UGT2A2: variants seen among roughly 807,000 people sequenced by gnomAD.
UGT2A2 encodes the protein UDP glucuronosyltransferase family 2 member A2.
Under a neutral mutation model 50.7 loss-of-function variants are expected in UGT2A2, and 60 were observed. The observed-to-expected ratio is 1.18, with a 90% CI of 0.96 to 1.47. The LOEUF is 1.47. UGT2A2 is among the 40% of genes most tolerant of loss of function. The pLI, the probability that UGT2A2 is intolerant of heterozygous loss-of-function variation, is 0.00. For synonymous variants in UGT2A2, 242 were observed against 214.6 expected (o/e 1.13, Z -1.11); for missense variants, 762 against 634.0 (o/e 1.20, Z -2.17).
intron 1 of UGT2A2, among the ~76,000 whole-genome samples, chr4:69,607,598 A>G (rs921226983): frequency 6.6e-6 from 1 of 152,298 alleles, no homozygotes; most frequent in Admixed American, 6.5e-5. Flanking sequence ...GAGCTTCTGC[A>G]CAGGAAAAGA....
At chr4:69,625,857 T>G (rs1456738946) in intron 1 of UGT2A2, among the ~76,000 whole-genome samples, 1 of 151,550 alleles carries the variant, frequency 6.6e-6, no homozygotes, top group Non-Finnish European at 1.5e-5. Context: ...AATATCAAAT[T>G]ACAAAATTCA....
chr4:69,618,553 A>C (rs1320468790), intron 1 of UGT2A2, among the ~76,000 whole-genome samples: 2 of 151,970 alleles, frequency 1.3e-5, no homozygotes, highest in Non-Finnish European at 1.5e-5. Flanking sequence ...ATTTAAACAG[A>C]CCATATTAAT....
intron 5 of UGT2A2, 146 bp from the exon 6 acceptor site, chr4:69,589,797 T>C (rs1347005531): frequency 3.2e-6 from 4 of 1,246,628 alleles, no homozygotes; most frequent in Non-Finnish European, 2.2e-6. Flanking sequence ...TTGTTAGTTG[T>C]ATAGGATTTT....
chr4:69,596,615 C>G (rs906400759), intron 2 of UGT2A2, among the ~76,000 whole-genome samples: 1 of 152,062 alleles, frequency 6.6e-6, no homozygotes, highest in Non-Finnish European at 1.5e-5. Flanking sequence ...CTCACCTCCC[C>G]GGTTCAAGTG....
rs539436729 is a variant in UGT2A2, at chr4:69,589,290, C to T, written c.*82G>A. The T allele has an allele frequency of 8.0e-4, 1,125 of 1,411,828 alleles. 21 individuals carry two copies. The South Asian group carries it at 0.018, about 23-fold the overall frequency. The allele number at this position is 1,411,828 out of a possible 1,614,324, so 87.5% of individuals were successfully genotyped here. A position where few individuals can be genotyped will look rare whatever the true frequency, so the allele number is the denominator to read the frequency against. ...ATGGGAGACGTGTTTTTGTTAAACT[C>T]CTTTTGTCTGGAATTAATAGGACTA... On this transcript the variant is annotated 3_prime_UTR_variant, in exon 6 of 6. Transcript: ENST00000604629.
chr4:69,594,598 C>A lies in UGT2A2; in HGVS notation c.1210G>T (p.Ala404Ser), dbSNP rs376828121. Residue 404 changes from alanine to serine, a missense_variant, in exon 5 of 6, where the codon GCT becomes TCT. Physicochemically the swap from Ala to Ser is moderately conservative, Grantham distance 99. Coordinates refer to ENST00000604629, the MANE Select transcript of UGT2A2 (RefSeq NM_001105677.2). ...GVPMVGVPMF[A>S]DQPDNIAHMK... ...TGAGCAATGTTATCAGGCTGATCAG[C>A]AAACATGGGAACTCCCACCATAGGG... The A allele has an allele frequency of 1.9e-6, 3 of 1,614,026 alleles. No homozygotes were observed. The highest frequency in any genetic ancestry group is 2.7e-5 in the African/African-American group (2 of 74,932).
chr4:69,634,196 G>A (rs1268195643), intron 1 of UGT2A2, among the ~76,000 whole-genome samples: 2 of 152,054 alleles, frequency 1.3e-5, no homozygotes, highest in Non-Finnish European at 1.5e-5. Flanking sequence ...AGTGAGCCGA[G>A]ATCGCGCCAC....
intron 1 of UGT2A2, among the ~76,000 whole-genome samples, chr4:69,624,845 T>C (rs908512883): frequency 6.6e-6 from 1 of 151,318 alleles, no homozygotes; most frequent in Non-Finnish European, 1.5e-5. Context: ...TTAAATAACA[T>C]TTTTTAAGTC....
In UGT2A2 at chr4:69,639,058, T is replaced by G; in HGVS notation, c.583A>C (p.Ile195Leu). The G allele has an allele frequency of 6.2e-7, 1 of 1,613,388 alleles. No individual in the cohort carries two copies. Among genetic ancestry groups the G allele is most frequent in the Non-Finnish European group, 8.5e-7 (1 of 1,179,636 alleles). Reference sequence around the variant, plus strand: ...GGTACATAGGAGACTGGTGCTGGGATTTTCCCACAGTGTCTCTCCACTGTT... The same window carrying G: ...GGTACATAGGAGACTGGTGCTGGGAGTTTCCCACAGTGTCTCTCCACTGTT... ...ASTVERHCGK[I>L]PAPVSYVPAA... Residue 195 changes from isoleucine (I) to leucine (L), a missense_variant, in exon 1 of 6, where the codon ATC becomes CTC. Transcript: ENST00000604629.
intron 1 of UGT2A2, among the ~76,000 whole-genome samples, chr4:69,629,502 G>T (rs1045039392): frequency 6.6e-6 from 1 of 152,022 alleles, no homozygotes; most frequent in Non-Finnish European, 1.5e-5. Flanking sequence ...GATTTACCAT[G>T]ATCACCAGTT....
At chr4:69,618,539 G>A (rs1052143883) in intron 1 of UGT2A2, among the ~76,000 whole-genome samples, 2 of 151,886 alleles carry the variant, frequency 1.3e-5, no homozygotes, top group African/African-American at 4.8e-5. Context: ...GCCGTTGAAT[G>A]AGAATTTAAA....
At chr4:69,635,333 G>A (rs922071844) in intron 1 of UGT2A2, among the ~76,000 whole-genome samples, 2 of 152,134 alleles carry the variant, frequency 1.3e-5, no homozygotes, top group African/African-American at 4.8e-5. Context: ...AGTGCGCTGG[G>A]ATGGATAGAG....
intron 1 of UGT2A2, among the ~76,000 whole-genome samples, chr4:69,601,385 G>T (rs1280466621): frequency 2.0e-5 from 3 of 152,006 alleles, no homozygotes; most frequent in South Asian, 4.2e-4. Flanking sequence ...GCCCTTCCCC[G>T]CCCCCCGGAG....
intron 1 of UGT2A2, among the ~76,000 whole-genome samples, chr4:69,631,086 G>A (rs1252177642): frequency 6.6e-6 from 1 of 151,926 alleles, no homozygotes; most frequent in Non-Finnish European, 1.5e-5. Context: ...TTTCTCATTT[G>A]AAAAAGAGAA....
chr4:69,595,177 G>T lies in UGT2A2; in HGVS notation c.1096C>A (p.Gln366Lys), dbSNP rs745551027. 1.1e-5 allele frequency: 18 copies of T among 1,613,774 alleles called. No homozygotes were observed. The highest frequency in any genetic ancestry group is 1.5e-5 in the Non-Finnish European group (18 of 1,179,860). ...NNTQLFDWIP[Q>K]NDLLGHPKTK... ...ACAGTCTTACCAAGAAGATCATTCT[G>T]GGGTATCCAATCAAAGAGCTGAGTA... Residue 366 changes from glutamine to lysine, a missense_variant, in exon 4 of 6, where the codon CAG becomes AAG. Transcript: ENST00000604629.
chr4:69,592,063 T>C (rs1718624148), intron 5 of UGT2A2, among the ~76,000 whole-genome samples: 1 of 152,096 alleles, frequency 6.6e-6, no homozygotes, highest in African/African-American at 2.4e-5. Context: ...AACCAACTGT[T>C]GAGTGTCTTT....
At chr4:69,608,359 G>T (rs954565325) in intron 1 of UGT2A2, among the ~76,000 whole-genome samples, 1 of 142,756 alleles carries the variant, frequency 7.0e-6, no homozygotes, top group Non-Finnish European at 1.5e-5. Flanking sequence ...TCATAGGAGG[G>T]AATTGAACAA....
chr4:69,626,149 G>A (rs966938480), intron 1 of UGT2A2, among the ~76,000 whole-genome samples: 2 of 150,890 alleles, frequency 1.3e-5, no homozygotes, highest in Non-Finnish European at 3.0e-5. Context: ...TGGATACTGG[G>A]CTATTTTTTT....
chr4:69,631,734 A>C (rs867403210), intron 1 of UGT2A2, among the ~76,000 whole-genome samples: 1 of 152,172 alleles, frequency 6.6e-6, no homozygotes, highest in African/African-American at 2.4e-5. Flanking sequence ...TGTAGCCACT[A>C]CATCAGGGTA....
Sources: allele counts gnomAD v4.1 joint callset (sites outside exome capture counted in the v4.1 genomes callset), GRCh38; gene constraint gnomAD v4.1.1; transcripts MANE v1.5; gene names NCBI Gene and HGNC (gene_info 2026-07-23, HGNC 2026-07-21).